KYAT3: variants seen among roughly 807,000 people sequenced by gnomAD.
KYAT3 encodes the protein kynurenine aminotransferase 3, also known as kynurenine--oxoglutarate transaminase 3.
KYAT3 carries 50 observed loss-of-function variants against 59.0 expected under a neutral mutation model. The ratio of observed to expected loss-of-function variants is 0.85; its 90% CI spans 0.68 to 1.07. The LOEUF (loss-of-function observed/expected upper bound fraction) is 1.07. KYAT3 is among the 50% of genes least tolerant of loss of function. The probability of loss-of-function intolerance (pLI) is 0.00; values close to 1 mark genes in which losing one functional copy is unlikely to be tolerated. For synonymous variants in KYAT3, 148 were observed against 177.0 expected, an observed-to-expected ratio of 0.84 and a Z score of 1.30; for missense variants, 497 against 533.3, an observed-to-expected ratio of 0.93 and a Z score of 0.67.
In KYAT3 at chr1:88,936,130, T is replaced by G. The variant is rs554190743; in HGVS notation, c.*53A>C. 8.2e-7 allele frequency: 1 copy of G among 1,222,576 alleles called. No homozygotes were observed. The highest frequency in any genetic ancestry group is 2.4e-5 in the East Asian group (1 of 42,416). The allele number at this position is 1,222,576 out of a possible 1,614,324, so 75.7% of individuals were successfully genotyped here. On this transcript the variant is annotated 3_prime_UTR_variant, in exon 14 of 14. Transcript: ENST00000260508. ...ACATCCAGCAGGTGGCAGCACTAAGTAACAATTCCATACTAGGTCATCTAA... is the reference window on the plus strand; with the variant it reads ...ACATCCAGCAGGTGGCAGCACTAAGGAACAATTCCATACTAGGTCATCTAA...
intron 11 of KYAT3, among the ~76,000 whole-genome samples, chr1:88,946,579 G>C (rs1462676824): frequency 6.6e-6 from 1 of 152,042 alleles, no homozygotes; most frequent in East Asian, 1.9e-4. Context: ...TACAAATGTT[G>C]TTCTTTTAAA....
intron 4 of KYAT3, among the ~76,000 whole-genome samples, chr1:88,965,723 C>T (rs1193224350): frequency 6.6e-6 from 1 of 151,660 alleles, no homozygotes; most frequent in East Asian, 1.9e-4. Context: ...TCAATATTTC[C>T]TGTTGTTTTC....
intron 11 of KYAT3, 129 bp downstream of exon 11, chr1:88,948,962 T>C (rs1364567303): frequency 1.5e-6 from 1 of 682,074 alleles, no homozygotes; most frequent in Non-Finnish European, 2.3e-6. Context: ...ATGTAGACAT[T>C]GCAAAAATCC....
intron 9 of KYAT3, among the ~76,000 whole-genome samples, chr1:88,954,048 T>A (rs1050665840): frequency 6.6e-6 from 1 of 152,030 alleles, no homozygotes; most frequent in African/African-American, 2.4e-5. Context: ...ATTACAGGCA[T>A]GCGCCACCAC....
downstream of KYAT3, among the ~76,000 whole-genome samples, chr1:88,933,902 A>G (rs1474092182): frequency 6.6e-6 from 1 of 152,154 alleles, no homozygotes; most frequent in Non-Finnish European, 1.5e-5. Flanking sequence ...TCCTTACTCT[A>G]CTGCCACCCC....
chr1:88,967,772 G>GT (rs1676398768), intron 4 of KYAT3, among the ~76,000 whole-genome samples: 1 of 151,964 alleles, frequency 6.6e-6, no homozygotes, highest in African/African-American at 2.4e-5. Context: ...GGTACTTTGA[G>GT]TTTTTTCTTT....
chr1:88,953,072 A>T lies in KYAT3; in HGVS notation c.945T>A (p.Thr315=). ...VQQNTIYTCA[T]PLQEALAQAF... ...TTACTATAACACTTACCTGTAAAGG[A>T]GTTGCACAAGTATAAATCGTGTTTT... The change falls in exon 10 of 14, where the codon ACT becomes ACA. Residue 315 remains threonine (T), a synonymous_variant. Coordinates refer to ENST00000260508, the MANE Select transcript of KYAT3 (RefSeq NM_001008661.3). 1 of 1,602,138 alleles carries T rather than the reference A, an allele frequency of 6.2e-7. No individual in the cohort carries two copies. The highest frequency in any genetic ancestry group is 2.2e-5 in the East Asian group (1 of 44,792).
At position 88,970,664 on chromosome 1, in the gene KYAT3, T is replaced by C. The variant is rs534694533; in HGVS notation, c.100-1197A>G. Among the ~76,000 whole-genome samples the C allele has an allele frequency of 2.0e-5, 3 of 152,330 alleles. No individual in the cohort carries two copies. In the South Asian group the frequency reaches 6.2e-4, roughly 32 times the overall value. ...AAAAATAGGAATTAAAATTATCACA[T>C]AGCATACAATTTTTTAGTTCTTTAG... is the stretch of plus-strand genomic sequence containing the variant. On this transcript the variant is annotated intron_variant, in intron 2 of 13. Coordinates refer to ENST00000260508, the MANE Select transcript of KYAT3 (RefSeq NM_001008661.3).
intron 1 of KYAT3, among the ~76,000 whole-genome samples, chr1:88,989,369 A>G (rs560085538): frequency 1.3e-5 from 2 of 152,338 alleles, no homozygotes; most frequent in African/African-American, 4.8e-5. Context: ...GCAGAATTCA[A>G]TCTTAAAAAA....
chr1:88,942,957 T>C, intron 13 of KYAT3, 48 bp downstream of exon 13: 1 of 1,255,386 alleles, frequency 8.0e-7, no homozygotes, highest in Non-Finnish European at 1.1e-6. Flanking sequence ...CTTTAAAAAT[T>C]GAAATGAAGA....
intron 13 of KYAT3, among the ~76,000 whole-genome samples, chr1:88,939,362 G>C (rs1439007039): frequency 6.6e-6 from 1 of 152,040 alleles, no homozygotes; most frequent in African/African-American, 2.4e-5. Context: ...GTGGAGTTAG[G>C]TGTGTCCACT....
chr1:88,980,476 T>G (rs1437494328), intron 2 of KYAT3: 1 of 152,426 alleles, frequency 6.6e-6, no homozygotes, highest in Admixed American at 6.6e-5. Context: ...ATACAAAACA[T>G]TCCAAAAAGT....
rs1675312816 is a variant in KYAT3, at chr1:88,943,358, TAGTC to T, written c.1203_1206del (p.Met401IlefsTer60). On this transcript the variant is annotated frameshift_variant, in exon 12 of 14. Coordinates refer to ENST00000260508, the MANE Select transcript of KYAT3 (RefSeq NM_001008661.3). LOFTEE classifies it high-confidence loss of function. The stretch of plus-strand genomic sequence containing the variant: ...AGAACAATAAACATTACCTTATGTT[TAGTC>T]ATCCATTTCACAAACTTATAGTCAT... 1 of 1,541,210 alleles carries T rather than the reference TAGTC, an allele frequency of 6.5e-7. No individual in the cohort carries two copies. Among genetic ancestry groups the T allele is most frequent in the Non-Finnish European group, 8.9e-7 (1 of 1,121,826 alleles).
intron 2 of KYAT3, among the ~76,000 whole-genome samples, chr1:88,974,361 C>T (rs889820689): frequency 1.3e-4 from 20 of 151,614 alleles, no homozygotes; most frequent in Admixed American, 1.3e-3. Context: ...TTAATTACAA[C>T]GTATGTTTTT....
the KYAT3 span, among the ~76,000 whole-genome samples, chr1:88,925,873 T>C: frequency 1.3e-5 from 2 of 152,182 alleles, no homozygotes; most frequent in Non-Finnish European, 2.9e-5. Context: ...TTAAAACCTA[T>C]GATTGATAAT....
chr1:88,944,938 G>A (rs565944693), intron 11 of KYAT3, among the ~76,000 whole-genome samples: 79 of 152,142 alleles, frequency 5.2e-4, no homozygotes, highest in South Asian at 1.0e-3. Context: ...CCACTTCCCC[G>A]GTTCAAGCAA....
rs566915544 is a variant in KYAT3, at chr1:88,942,822, A to G, written c.1302+183T>C. Reference sequence around the variant, plus strand: ...CGTGATCAGCCCGCCTCGGCCTCCCAAAGTGCTGCGATTACAGGCATGAGC... The same window carrying G: ...CGTGATCAGCCCGCCTCGGCCTCCCGAAGTGCTGCGATTACAGGCATGAGC... On this transcript the variant is annotated intron_variant, in intron 13 of 13. Coordinates refer to ENST00000260508, the MANE Select transcript of KYAT3 (RefSeq NM_001008661.3). Among the ~76,000 whole-genome samples, 3 of 152,170 alleles carry G rather than the reference A, an allele frequency of 2.0e-5. No individual in the cohort carries two copies. The South Asian group carries it at 6.2e-4, about 32-fold the overall frequency.
At chr1:88,978,523 A>G (rs920952904) in intron 2 of KYAT3, among the ~76,000 whole-genome samples, 3 of 151,922 alleles carry the variant, frequency 2.0e-5, no homozygotes, top group Admixed American at 2.0e-4. Flanking sequence ...TTTGAGACAG[A>G]GTCTTGCTCT....
chr1:88,939,536 G>C (rs1014914034), intron 13 of KYAT3, among the ~76,000 whole-genome samples: 5 of 152,134 alleles, frequency 3.3e-5, no homozygotes, highest in African/African-American at 1.2e-4. Context: ...AATATATCAA[G>C]CGAGGTATAT....
Sources: allele counts gnomAD v4.1 joint callset (sites outside exome capture counted in the v4.1 genomes callset), GRCh38; gene constraint gnomAD v4.1.1; transcripts MANE v1.5; gene names NCBI Gene and HGNC (gene_info 2026-07-23, HGNC 2026-07-21).